GRB7: variants seen among roughly 807,000 people sequenced by gnomAD.
The protein encoded by GRB7 is growth factor receptor-bound protein 7.
In GRB7, 47 loss-of-function variants were observed where a neutral mutation model predicts 64.1. That is an observed-to-expected ratio of 0.73 (90% CI 0.58 to 0.94). The LOEUF is 0.94. Among genes scored for constraint, GRB7 ranks in the 40% least tolerant of loss-of-function variants. The probability of loss-of-function intolerance (pLI) is 0.00; values close to 1 mark genes in which losing one functional copy is unlikely to be tolerated. For synonymous variants in GRB7, 277 were observed against 279.9 expected (o/e 0.99, Z 0.10); for missense variants, 634 against 718.4 (o/e 0.88, Z 1.34).
At chr17:39,746,688 A>C in intron 14 of GRB7, 63 bp from the exon 15 acceptor site, 1 of 1,569,592 alleles carries the variant, frequency 6.4e-7, no homozygotes. Context: ...GCCCTGGCCC[A>C]GGAGGGAGCT....
chr17:39,743,121 G>C, intron 4 of GRB7, 59 bp from the exon 5 acceptor site: 1 of 1,603,892 alleles, frequency 6.2e-7, no homozygotes. Context: ...TAGGCATGTG[G>C]CTCATCCAGG....
intron 6 of GRB7, 51 bp downstream of exon 6, chr17:39,743,521 C>T (rs749294428): frequency 7.0e-7 from 1 of 1,426,802 alleles, no homozygotes. Flanking sequence ...CAGCATTGGC[C>T]AGTGCTTCTC....
At chr17:39,744,786 C>A in intron 8 of GRB7, 100 bp from the exon 9 acceptor site, 1 of 1,325,668 alleles carries the variant, frequency 7.5e-7, no homozygotes. Context: ...TGCACCCTGG[C>A]CTGCTGGAAA....
In GRB7 at chr17:39,743,387, C is replaced by T. The variant is rs2060014445; in HGVS notation, c.586-6C>T. On this transcript the variant is annotated splice_region_variant and splice_polypyrimidine_tract_variant and intron_variant, in intron 5 of 14. Coordinates refer to ENST00000309156, the MANE Select transcript of GRB7 (RefSeq NM_005310.5). ...GCCCTGATCCCTGACACTTGTCTAC[C>T]CACAGCACTCCCTGTTCCCAGAAAA... 7 of 1,614,166 alleles carry T rather than the reference C, an allele frequency of 4.3e-6. No homozygotes were observed. Among genetic ancestry groups the T allele is most frequent in the Non-Finnish European group, 5.9e-6 (7 of 1,179,984 alleles).
chr17:39,744,245 C>T (rs1478343303), intron 7 of GRB7, 38 bp downstream of exon 7: 6 of 1,607,762 alleles, frequency 3.7e-6, no homozygotes, highest in Non-Finnish European at 5.1e-6. Flanking sequence ...CCCCTCCAGT[C>T]CCTGGTCCTT....
Position 39,745,935 on chromosome 17 carries a change from G to T in GRB7, c.1293G>T (p.Trp431Cys), listed in dbSNP as rs1439495576. ...CAGCCATCCACCGCACCCAACTCTG[G>T]TTCCACGGGCGCATTTCCCGTGAGG... ...LSAAIHRTQL[W>C]FHGRISREES... is the part of the protein sequence containing the mutation. Residue 431 changes from tryptophan (W) to cysteine (C), a missense_variant, in exon 13 of 15, where the codon TGG becomes TGT. Coordinates refer to ENST00000309156, the MANE Select transcript of GRB7 (RefSeq NM_005310.5). 1.9e-6 allele frequency: 3 copies of T among 1,614,032 alleles called. No homozygotes were observed. Among genetic ancestry groups the T allele is most frequent in the Non-Finnish European group, 2.5e-6 (3 of 1,179,936 alleles).
intron 9 of GRB7, 59 bp downstream of exon 9, chr17:39,745,043 C>T (rs1282831693): frequency 7.1e-6 from 10 of 1,403,982 alleles, no homozygotes; most frequent in Non-Finnish European, 1.0e-5. Context: ...CCAGCTCTGC[C>T]CTCAGGAAGT....
In GRB7 at chr17:39,742,363, C is replaced by A. The variant is rs771160112; in HGVS notation, c.62C>A (p.Pro21His). 1.9e-6 allele frequency: 3 copies of A among 1,614,058 alleles called. No individual in the cohort carries two copies. The Admixed American group carries it at 5.0e-5, about 27-fold the overall frequency. ...TCTCCGGAAGACCTTTGCCCAGCCC[C>A]TGGGACCCCTCCTGGGACTCCCCGG... ...SSSPEDLCPA[P>H]GTPPGTPRPP... The change falls in exon 2 of 15, where the codon CCT (proline) becomes CAT (histidine). Residue 21 changes from proline to histidine, a missense_variant. By Grantham distance (77) the Pro-to-His change is moderately conservative. Coordinates refer to ENST00000309156, the MANE Select transcript of GRB7 (RefSeq NM_005310.5).
In GRB7 at chr17:39,747,129, C is replaced by G. The variant is rs991851058; in HGVS notation, c.*232C>G. The G allele has an allele frequency of 7.2e-6, 4 of 552,114 alleles. No homozygotes were observed. The South Asian group carries it at 9.8e-5, about 14-fold the overall frequency. The allele number at this position is 552,114 out of a possible 1,614,324, so 34.2% of individuals were successfully genotyped here. On this transcript the variant is annotated 3_prime_UTR_variant, in exon 15 of 15. Coordinates refer to ENST00000309156, the MANE Select transcript of GRB7 (RefSeq NM_005310.5). ...GGAAGGCCTTGGGTGGCCCCCTCTC[C>G]TTCTCCTAGCTCTGGAGGTGCTGCT... is the stretch of plus-strand genomic sequence containing the variant.
chr17:39,744,419 C>A, intron 7 of GRB7, 134 bp from the exon 8 acceptor site: 2 of 845,962 alleles, frequency 2.4e-6, no homozygotes, highest in East Asian at 5.3e-5. Context: ...CCTGGCTCTA[C>A]TTCTATTTGC....
At chr17:39,739,052 T>A in intron 1 of GRB7, 1 of 875,270 alleles carries the variant, frequency 1.1e-6, no homozygotes, top group South Asian at 1.9e-5. Flanking sequence ...TTTCTTCTGC[T>A]TGATGAGGCT....
intron 14 of GRB7, 110 bp from the exon 15 acceptor site, chr17:39,746,640 GA>G (rs2060049393): frequency 6.2e-5 from 28 of 453,818 alleles, no homozygotes; most frequent in Admixed American, 1.7e-4. Context: ...GAAAGAAAAA[GA>G]AAAAGAAAAA....
At chr17:39,738,898 G>T in intron 1 of GRB7, 1 of 1,534,990 alleles carries the variant, frequency 6.5e-7, no homozygotes, top group East Asian at 2.4e-5. Context: ...ACCGCCTCCG[G>T]CCCTCCGATG....
rs189893237 is a variant in GRB7 at position 39,746,345 on chromosome 17, G to A, written c.1452+143G>A. 31 of 709,846 alleles carry A rather than the reference G, an allele frequency of 4.4e-5. 1 individual carries two copies. Among genetic ancestry groups the A allele is most frequent in the South Asian group, 8.5e-5 (5 of 59,154 alleles). The allele number at this position is 709,846 out of a possible 1,614,324, so 44.0% of individuals were successfully genotyped here. A position where few individuals can be genotyped will look rare whatever the true frequency, so the allele number is the denominator to read the frequency against. ...GCACAAGAAGTGGGAGGCTGAGTGCGGTGGCTCACACCTGTAATCCCAGCA... is the reference window on the plus strand; with the variant it reads ...GCACAAGAAGTGGGAGGCTGAGTGCAGTGGCTCACACCTGTAATCCCAGCA... On this transcript the variant is annotated intron_variant, in intron 14 of 14. Transcript: ENST00000309156.
chr17:39,741,191 C>G (rs2059991409), intron 1 of GRB7, among the ~76,000 whole-genome samples: 1 of 152,148 alleles, frequency 6.6e-6, no homozygotes, highest in African/African-American at 2.4e-5. Context: ...AGGACAGGTG[C>G]ACAGTAATGG....
Position 39,744,309 on chromosome 17 carries a change from C to A in GRB7, c.801+102C>A. 2.8e-6 allele frequency: 4 copies of A among 1,410,924 alleles called. No individual in the cohort carries two copies. In the South Asian group the frequency reaches 5.1e-5, roughly 18 times the overall value. The allele number at this position is 1,410,924 out of a possible 1,614,324, so 87.4% of individuals were successfully genotyped here. ...CTCTGAGCCCTTCTCCCCCTGGGCC[C>A]CCCAGGCCAGCCACCTCCAGTTTAC... On this transcript the variant is annotated intron_variant, in intron 7 of 14. Coordinates refer to ENST00000309156, the MANE Select transcript of GRB7 (RefSeq NM_005310.5).
Position 39,747,100 on chromosome 17 carries a change from C to T in GRB7, c.*203C>T, listed in dbSNP as rs2060055437. 1.7e-6 allele frequency: 1 copy of T among 587,688 alleles called. No individual in the cohort carries two copies. Among genetic ancestry groups the T allele is most frequent in the Admixed American group, 3.3e-5 (1 of 30,628 alleles). 36.4% of individuals were successfully genotyped at this position (587,688 alleles called of 1,614,324 possible). On this transcript the variant is annotated 3_prime_UTR_variant, in exon 15 of 15. Coordinates refer to ENST00000309156, the MANE Select transcript of GRB7 (RefSeq NM_005310.5). ...CCAGTCCACTCCTGACCCCTCTCCT[C>T]AAGGGAAGGCCTTGGGTGGCCCCCT...
chr17:39,744,488 T>G, intron 7 of GRB7, 65 bp from the exon 8 acceptor site: 11 of 1,290,658 alleles, frequency 8.5e-6, no homozygotes, highest in Non-Finnish European at 1.2e-5. Flanking sequence ...CCACCTGGCT[T>G]GTGGGGGGAG....
At position 39,746,825 on chromosome 17, in the gene GRB7, G is replaced by C; in HGVS notation, c.1527G>C (p.Val509=). The C allele has an allele frequency of 6.2e-7, 1 of 1,613,840 alleles. No homozygotes were observed. Among genetic ancestry groups the C allele is most frequent in the Non-Finnish European group, 8.5e-7 (1 of 1,180,020 alleles). Residue 509 remains valine (V), a synonymous_variant, in exon 15 of 15, where the codon GTG becomes GTC. Transcript: ENST00000309156. ...GCTTCACTGACCTGCTGCAGCTCGTGGAGTTCCACCAGCTGAACCGCGGCA... is the reference window on the plus strand; with the variant it reads ...GCTTCACTGACCTGCTGCAGCTCGTCGAGTTCCACCAGCTGAACCGCGGCA... ...QTRFTDLLQL[V]EFHQLNRGIL...
Sources: allele counts gnomAD v4.1 joint callset (sites outside exome capture counted in the v4.1 genomes callset), GRCh38; gene constraint gnomAD v4.1.1; transcripts MANE v1.5; gene names NCBI Gene and HGNC (gene_info 2026-07-23, HGNC 2026-07-21).